Variants in FAF1 observed in about 807,000 individuals in gnomAD.
FAF1 encodes Fas associated factor 1.
A neutral mutation model predicts 92.5 loss-of-function variants in FAF1; 25 were observed. That is an observed-to-expected ratio of 0.27 (90% confidence interval 0.20 to 0.38). The LOEUF is 0.38. FAF1 is among the 10% of genes least tolerant of loss of function. The pLI, the probability that FAF1 is intolerant of heterozygous loss-of-function variation, is 1.00. For missense variants in FAF1, 636 were observed against 793.3 expected (o/e 0.80, Z 2.38); for synonymous variants, 234 against 273.2 (o/e 0.86, Z 1.42).
At position 50,782,200 on chromosome 1, in the gene FAF1, G is replaced by A. The variant is rs372440476; in HGVS notation, c.367+5800C>T. Among the ~76,000 whole-genome samples the A allele has an allele frequency of 1.2e-4, 18 of 151,372 alleles. No individual in the cohort carries two copies. The East Asian group carries it at 2.1e-3, about 18-fold the overall frequency. On this transcript the variant is annotated intron_variant, in intron 4 of 18. Coordinates refer to ENST00000396153, the MANE Select transcript of FAF1 (RefSeq NM_007051.3). ...TTCTTTTTGTTTTTTTTAAGTTAAC[G>A]GTAAAACAGGCTCAGGCTAGTCCTT...
At chr1:50,762,311 A>C (rs1388273030) in intron 4 of FAF1, among the ~76,000 whole-genome samples, 1 of 152,202 alleles carries the variant, frequency 6.6e-6, no homozygotes, top group Non-Finnish European at 1.5e-5. Context: ...GCTACCAATG[A>C]CTTTCTTCAC....
chr1:50,521,660 T>C (rs1280786915), intron 15 of FAF1, among the ~76,000 whole-genome samples: 1 of 152,214 alleles, frequency 6.6e-6, no homozygotes, highest in African/African-American at 2.4e-5. Context: ...TTGCCATTAC[T>C]GAAAACAAAA....
intron 1 of FAF1, among the ~76,000 whole-genome samples, chr1:50,866,370 C>T (rs1644481814): frequency 6.6e-6 from 1 of 152,004 alleles, no homozygotes; most frequent in South Asian, 2.1e-4. Context: ...AAATAAAGCA[C>T]ATCCAAACCA....
At chr1:50,512,746 A>G (rs1433596586) in intron 15 of FAF1, among the ~76,000 whole-genome samples, 1 of 152,120 alleles carries the variant, frequency 6.6e-6, no homozygotes, top group East Asian at 1.9e-4. Context: ...ATGATACTTA[A>G]AGTAGTTTTT....
At chr1:50,827,513 C>T (rs35758988) in intron 2 of FAF1, among the ~76,000 whole-genome samples, 148 of 152,228 alleles carry the variant, frequency 9.7e-4, no homozygotes, top group Admixed American at 3.2e-3. Context: ...GGGACCTCTG[C>T]CTAGGAAAAC....
chr1:50,483,766 G>T (rs538731481), intron 17 of FAF1, among the ~76,000 whole-genome samples: 2 of 152,136 alleles, frequency 1.3e-5, no homozygotes, highest in Non-Finnish European at 2.9e-5. Flanking sequence ...TATATTTGCA[G>T]AGCCCACAGG....
intron 4 of FAF1, among the ~76,000 whole-genome samples, chr1:50,779,442 C>T (rs145429431): frequency 1.2e-4 from 18 of 152,140 alleles, no homozygotes; most frequent in Non-Finnish European, 2.4e-4. Context: ...TCTTGAATAA[C>T]AAGACTTGAA....
At position 50,874,111 on chromosome 1, in the gene FAF1, A is replaced by T. The variant is rs1285281754; in HGVS notation, c.46-16114T>A. 3.9e-5 allele frequency among the ~76,000 whole-genome samples: 6 copies of T among 152,090 alleles called. No individual in the cohort carries two copies. In the East Asian group the frequency reaches 9.7e-4, roughly 25 times the overall value. On this transcript the variant is annotated intron_variant, in intron 1 of 18. Coordinates refer to ENST00000396153, the MANE Select transcript of FAF1 (RefSeq NM_007051.3). ...ACTGATTTCCCTTTTTGGTTCTAGTACCTGACAATTGTCTATTTTTGCTTT... is the reference window on the plus strand; with the variant it reads ...ACTGATTTCCCTTTTTGGTTCTAGTTCCTGACAATTGTCTATTTTTGCTTT...
intron 15 of FAF1, among the ~76,000 whole-genome samples, chr1:50,521,489 A>G (rs1027640589): frequency 2.0e-5 from 3 of 152,244 alleles, no homozygotes; most frequent in African/African-American, 4.8e-5. Flanking sequence ...GAAGGTCTCA[A>G]TAGCCTCTTG....
At chr1:50,569,312 G>GTC (rs1650321457) in intron 12 of FAF1, among the ~76,000 whole-genome samples, 1 of 152,108 alleles carries the variant, frequency 6.6e-6, no homozygotes, top group African/African-American at 2.4e-5. Context: ...AGAGAATGAG[G>GTC]TCTCTTTCAG....
At chr1:50,660,678 G>C in intron 7 of FAF1, among the ~76,000 whole-genome samples, 1 of 151,998 alleles carries the variant, frequency 6.6e-6, no homozygotes, top group African/African-American at 2.4e-5. Context: ...ATTTTTAGTA[G>C]AGACGGGGTT....
At chr1:50,812,689 G>C (rs1643928411) in intron 2 of FAF1, among the ~76,000 whole-genome samples, 1 of 152,154 alleles carries the variant, frequency 6.6e-6, no homozygotes, top group African/African-American at 2.4e-5. Flanking sequence ...ACTTAAGAAA[G>C]AATTACCATT....
chr1:50,786,245 T>C (rs1007180149), intron 4 of FAF1, among the ~76,000 whole-genome samples: 1 of 152,172 alleles, frequency 6.6e-6, no homozygotes, highest in Non-Finnish European at 1.5e-5. Context: ...AAAAATGTGA[T>C]ATATACACAC....
intron 15 of FAF1, among the ~76,000 whole-genome samples, chr1:50,532,985 T>A (rs776887605): frequency 9.2e-5 from 14 of 152,274 alleles, no homozygotes; most frequent in Admixed American, 2.0e-4. Flanking sequence ...CTAATGTTTT[T>A]AAAATTTTTT....
chr1:50,772,633 A>G (rs1660814856), intron 4 of FAF1, among the ~76,000 whole-genome samples: 1 of 152,194 alleles, frequency 6.6e-6, no homozygotes. Context: ...TTCACTTACA[A>G]GTGGGAGCTA....
At chr1:50,612,530 A>G in intron 8 of FAF1, 1 of 962,780 alleles carries the variant, frequency 1.0e-6, no homozygotes, top group Non-Finnish European at 1.2e-6. Context: ...CACTTGGCTC[A>G]TGTCTAGTCA....
At chr1:50,912,667 T>G (rs749166159) in intron 1 of FAF1, among the ~76,000 whole-genome samples, 1 of 152,116 alleles carries the variant, frequency 6.6e-6, no homozygotes, top group Non-Finnish European at 1.5e-5. Flanking sequence ...CCAAAAGAAG[T>G]TGCCACATGA....
chr1:50,900,654 T>G (rs953722919), intron 1 of FAF1, among the ~76,000 whole-genome samples: 2 of 152,294 alleles, frequency 1.3e-5, no homozygotes, highest in East Asian at 3.9e-4. Flanking sequence ...TGAGATAAAT[T>G]AAGCAACAAG....
intron 4 of FAF1, among the ~76,000 whole-genome samples, 165 bp downstream of exon 4, chr1:50,787,835 C>T (rs1467510504): frequency 6.6e-6 from 1 of 152,132 alleles, no homozygotes; most frequent in Non-Finnish European, 1.5e-5. Context: ...AATCTCAACA[C>T]AGTATTTAAA....
Sources: allele counts gnomAD v4.1 joint callset (sites outside exome capture counted in the v4.1 genomes callset), GRCh38; gene constraint gnomAD v4.1.1; transcripts MANE v1.5; gene names NCBI Gene and HGNC (gene_info 2026-07-23, HGNC 2026-07-21).